Variants in DDC observed in about 807,000 individuals in gnomAD.
The protein encoded by DDC is aromatic-L-amino-acid decarboxylase.
Under a neutral mutation model 60.0 loss-of-function variants are expected in DDC, and 43 were observed. That is an observed-to-expected ratio of 0.72 (90% CI 0.56 to 0.92). The LOEUF (loss-of-function observed/expected upper bound fraction) is 0.92. DDC is among the 40% of genes least tolerant of loss of function. DDC has a pLI of 0.00. For missense variants in DDC, 573 were observed against 620.2 expected, an observed-to-expected ratio of 0.92 and a Z score of 0.81; for synonymous variants, 232 against 234.6, an observed-to-expected ratio of 0.99 and a Z score of 0.10.
At chr7:50,476,995 T>G (rs1221774078) in intron 10 of DDC, among the ~76,000 whole-genome samples, 1 of 152,198 alleles carries the variant, frequency 6.6e-6, no homozygotes, top group Non-Finnish European at 1.5e-5. Flanking sequence ...CATTCATTCA[T>G]GCATGGGAAG....
chr7:50,529,455 G>T, intron 4 of DDC, 113 bp from the exon 5 acceptor site: 1 of 1,304,054 alleles, frequency 7.7e-7, no homozygotes, highest in Non-Finnish European at 1.1e-6. Context: ...ATATGAGTCT[G>T]AAATGGCAAA....
rs538375449 is a variant in DDC at position 50,502,779 on chromosome 7, C to A, written c.781+1214G>T. Among the ~76,000 whole-genome samples, 3 of 152,388 alleles carry A rather than the reference C, an allele frequency of 2.0e-5. No individual in the cohort carries two copies. The South Asian group carries it at 6.2e-4, about 32-fold the overall frequency. ...AATGCACTCTACCTTTGGGATGGTGCATTTTCCCTGCATTAATTTATCCTC... is the reference window on the plus strand; with the variant it reads ...AATGCACTCTACCTTTGGGATGGTGAATTTTCCCTGCATTAATTTATCCTC... On this transcript the variant is annotated intron_variant, in intron 7 of 14. Coordinates refer to ENST00000444124, the MANE Select transcript of DDC (RefSeq NM_001082971.2).
intron 9 of DDC, among the ~76,000 whole-genome samples, chr7:50,493,735 A>G (rs1464354106): frequency 1.3e-5 from 2 of 152,192 alleles, no homozygotes; most frequent in African/African-American, 4.8e-5. Context: ...TTAAAATTAT[A>G]TAGCAGAAGT....
intron 6 of DDC, among the ~76,000 whole-genome samples, chr7:50,511,950 T>C (rs1350037211): frequency 6.6e-6 from 1 of 152,034 alleles, no homozygotes; most frequent in Non-Finnish European, 1.5e-5. Context: ...CTAAATGCAC[T>C]AATTGAAAAG....
At chr7:50,563,718 C>G (rs1272426668) in intron 1 of DDC, among the ~76,000 whole-genome samples, 1 of 152,182 alleles carries the variant, frequency 6.6e-6, no homozygotes, top group Admixed American at 6.5e-5. Context: ...TATCCTGCCT[C>G]AGCCTCGTAA....
At chr7:50,484,137 C>CCATTGTATT (rs768800479) in intron 9 of DDC, among the ~76,000 whole-genome samples, 4 of 152,118 alleles carry the variant, frequency 2.6e-5, no homozygotes, top group Non-Finnish European at 4.4e-5. Context: ...TGTAATTGTG[C>CCATTGTATT]CATTGTATTT....
intron 7 of DDC, among the ~76,000 whole-genome samples, 174 bp downstream of exon 7, chr7:50,503,819 C>A (rs992168474): frequency 2.6e-5 from 4 of 152,058 alleles, no homozygotes; most frequent in African/African-American, 9.7e-5. Flanking sequence ...AGCCCAAATT[C>A]TGAGTTTGTG....
At chr7:50,517,220 C>A (rs1256315334) in intron 6 of DDC, among the ~76,000 whole-genome samples, 1 of 152,064 alleles carries the variant, frequency 6.6e-6, no homozygotes. Context: ...AGATAATCCA[C>A]CATGATCAAG....
chr7:50,463,526 G>A (rs889190981), intron 13 of DDC, 95 bp from the exon 14 acceptor site: 35 of 1,062,266 alleles, frequency 3.3e-5, no homozygotes, highest in Middle Eastern at 2.0e-4. Flanking sequence ...CAACCCTACC[G>A]TACATCAGGA....
At chr7:50,498,908 T>C (rs147152379) in intron 8 of DDC, among the ~76,000 whole-genome samples, 8 of 152,368 alleles carry the variant, frequency 5.3e-5, no homozygotes, top group African/African-American at 1.9e-4. Flanking sequence ...TTATTCTTTC[T>C]GTTTGGGATT....
chr7:50,528,728 TCACCAC>T (rs1304406228), intron 5 of DDC, among the ~76,000 whole-genome samples: 5 of 152,166 alleles, frequency 3.3e-5, no homozygotes, highest in South Asian at 2.1e-4. Context: ...CCAGGAGGCA[TCACCAC>T]TGTGGCAGAT....
intron 9 of DDC, among the ~76,000 whole-genome samples, chr7:50,485,126 A>C (rs1419256704): frequency 1.3e-5 from 2 of 152,190 alleles, no homozygotes; most frequent in Non-Finnish European, 2.9e-5. Context: ...GCAAAATTTA[A>C]CATTTTGGGA....
intron 6 of DDC, among the ~76,000 whole-genome samples, chr7:50,508,095 G>GC (rs2043449405): frequency 6.6e-6 from 1 of 152,216 alleles, no homozygotes; most frequent in Non-Finnish European, 1.5e-5. Context: ...CATGCCAGAG[G>GC]CCCCTCCAAC....
rs781308256 is a variant in DDC at position 50,479,801 on chromosome 7, C to T, written c.1007G>A (p.Ser336Asn). 5 of 1,613,584 alleles carry T rather than the reference C, an allele frequency of 3.1e-6. No homozygotes were observed. The highest frequency in any genetic ancestry group is 2.2e-5 in the South Asian group (2 of 91,060). ...FRLDPTYLKH[S>N]HQDSGLITDY... ...TCACAGCTTACCTGAATCCTGATGGCTGTGCTTCAGGTAAGTGGGGTCCAG... is the reference window on the plus strand; with the variant it reads ...TCACAGCTTACCTGAATCCTGATGGTTGTGCTTCAGGTAAGTGGGGTCCAG... The change falls in exon 10 of 15, where the codon AGC becomes AAC. Residue 336 changes from serine (S) to asparagine (N), a missense_variant. Ser to Asn is a conservative substitution (Grantham distance 46, BLOSUM62 1). Transcript: ENST00000444124.
chr7:50,485,778 C>A (rs2042867591), intron 9 of DDC, among the ~76,000 whole-genome samples: 1 of 152,016 alleles, frequency 6.6e-6, no homozygotes, highest in Non-Finnish European at 1.5e-5. Context: ...TGTGAAAAAG[C>A]CTCTGAGTAG....
intron 6 of DDC, among the ~76,000 whole-genome samples, chr7:50,525,351 T>G (rs1318606034): frequency 6.6e-6 from 1 of 152,176 alleles, no homozygotes; most frequent in Non-Finnish European, 1.5e-5. Flanking sequence ...GTCTCCTGTC[T>G]TTGATATGGT....
At chr7:50,476,437 C>A (rs1336501719) in intron 11 of DDC, among the ~76,000 whole-genome samples, 187 bp downstream of exon 11, 1 of 152,200 alleles carries the variant, frequency 6.6e-6, no homozygotes, top group East Asian at 1.9e-4. Flanking sequence ...AGACCTCTGA[C>A]TGAGGGGTTC....
At chr7:50,497,155 C>T (rs1033370930) in intron 8 of DDC, among the ~76,000 whole-genome samples, 1 of 152,156 alleles carries the variant, frequency 6.6e-6, no homozygotes, top group African/African-American at 2.4e-5. Context: ...AGGGCAGGGC[C>T]ACAACAGGAT....
At chr7:50,561,589 T>C (rs952542119) in intron 1 of DDC, among the ~76,000 whole-genome samples, 1 of 152,062 alleles carries the variant, frequency 6.6e-6, no homozygotes, top group East Asian at 1.9e-4. Flanking sequence ...CTTAAGCCTA[T>C]CAGCATCTAA....
Sources: gnomAD v4.1 joint callset for allele counts (sites outside exome capture counted in the v4.1 genomes callset) on GRCh38, gnomAD v4.1.1 for gene constraint, MANE v1.5 for transcripts, NCBI Gene and HGNC (gene_info 2026-07-23, HGNC 2026-07-21) for gene names.